Variants in SGCD observed in about 807,000 individuals in gnomAD.
The protein encoded by SGCD is delta-sarcoglycan.
A neutral mutation model predicts 36.6 loss-of-function variants in SGCD; 18 were observed. The observed-to-expected ratio is 0.49, with a 90% CI of 0.34 to 0.73. The LOEUF (loss-of-function observed/expected upper bound fraction) is 0.73, where lower values mean the gene tolerates loss of function less well. Among genes scored for constraint, SGCD ranks in the 30% least tolerant of loss-of-function variants. The pLI, the probability that SGCD is intolerant of heterozygous loss-of-function variation, is 0.01. For synonymous variants in SGCD, 133 were observed against 130.6 expected, an observed-to-expected ratio of 1.02 and a Z score of -0.12; for missense variants, 387 against 346.7, an observed-to-expected ratio of 1.12 and a Z score of -0.92.
intron 3 of SGCD, among the ~76,000 whole-genome samples, chr5:156,133,791 T>C (rs1269375062): frequency 6.6e-6 from 1 of 152,152 alleles, no homozygotes; most frequent in Non-Finnish European, 1.5e-5. Context: ...TTGAGCATTA[T>C]GTTTTGCAGT....
chr5:155,987,562 T>G (rs1328395645), intron 1 of SGCD, among the ~76,000 whole-genome samples: 2 of 152,216 alleles, frequency 1.3e-5, no homozygotes, highest in Non-Finnish European at 2.9e-5. Flanking sequence ...GAGGCTTCTC[T>G]TTGTTTTAGG....
chr5:155,886,147 G>A (rs1755992686), intron 1 of SGCD, among the ~76,000 whole-genome samples: 2 of 152,152 alleles, frequency 1.3e-5, no homozygotes, highest in South Asian at 2.1e-4. Context: ...TAGGTTACAA[G>A]TAATAGATAC....
intron 3 of SGCD, among the ~76,000 whole-genome samples, chr5:156,301,695 G>T (rs1027587420): frequency 6.6e-6 from 1 of 151,918 alleles, no homozygotes; most frequent in African/African-American, 2.4e-5. Flanking sequence ...AGATAGATCT[G>T]GTGTTGATAA....
At chr5:156,676,428 T>G (rs1753510683) in intron 7 of SGCD, among the ~76,000 whole-genome samples, 1 of 152,320 alleles carries the variant, frequency 6.6e-6, no homozygotes, top group East Asian at 1.9e-4. Flanking sequence ...CAGCAGTATT[T>G]TTCAAAGGGC....
chr5:156,680,954 A>G (rs1406151837), intron 7 of SGCD, among the ~76,000 whole-genome samples: 1 of 152,064 alleles, frequency 6.6e-6, no homozygotes, highest in Non-Finnish European at 1.5e-5. Context: ...CCAGCGAGTG[A>G]GTGCAGGAAC....
intron 2 of SGCD, among the ~76,000 whole-genome samples, chr5:156,338,974 T>C (rs766441829): frequency 2.2e-4 from 33 of 152,160 alleles, no homozygotes; most frequent in Admixed American, 5.2e-4. Flanking sequence ...TGCTATGCAA[T>C]CCCAGTTAGG....
chr5:155,777,611 C>G, the SGCD span, among the ~76,000 whole-genome samples: 34 of 152,198 alleles, frequency 2.2e-4, no homozygotes, highest in East Asian at 5.8e-3. Flanking sequence ...CCCACTGAGT[C>G]TGCTGAAGTG....
At chr5:156,039,549 C>T (rs1428268028) in intron 1 of SGCD, among the ~76,000 whole-genome samples, 1 of 152,112 alleles carries the variant, frequency 6.6e-6, no homozygotes, top group African/African-American at 2.4e-5. Context: ...GATATTTAAA[C>T]TATCTGTTGA....
At chr5:156,130,877 C>T (rs953558052) in intron 3 of SGCD, among the ~76,000 whole-genome samples, 4 of 152,108 alleles carry the variant, frequency 2.6e-5, no homozygotes, top group African/African-American at 9.7e-5. Flanking sequence ...CAGGAGCCCA[C>T]CACCATGCCT....
At chr5:155,806,274 C>T in the SGCD span, among the ~76,000 whole-genome samples, 17 of 152,272 alleles carry the variant, frequency 1.1e-4, no homozygotes, top group African/African-American at 4.1e-4. Flanking sequence ...CCTGCCTTAG[C>T]CTCCCAAGTA....
At chr5:156,710,478 ACG>A (rs1754939312) in intron 7 of SGCD, among the ~76,000 whole-genome samples, 2 of 152,184 alleles carry the variant, frequency 1.3e-5, no homozygotes, top group East Asian at 3.8e-4. Context: ...ATGACCCATA[ACG>A]CAGCCCCAGG....
chr5:156,027,238 T>G (rs1759242157), intron 1 of SGCD, among the ~76,000 whole-genome samples: 2 of 152,218 alleles, frequency 1.3e-5, no homozygotes, highest in South Asian at 4.1e-4. Context: ...AAACTCTTCT[T>G]CTGGTGTATT....
intron 3 of SGCD, among the ~76,000 whole-genome samples, chr5:156,303,470 C>T (rs1767112300): frequency 1.3e-5 from 2 of 151,928 alleles, no homozygotes; most frequent in South Asian, 4.2e-4. Flanking sequence ...TAATCTACCC[C>T]ACTGTGGCTA....
chr5:155,957,735 T>C (rs1561662983), intron 1 of SGCD, among the ~76,000 whole-genome samples: 1 of 152,132 alleles, frequency 6.6e-6, no homozygotes, highest in Non-Finnish European at 1.5e-5. Context: ...ACCAGCCTTA[T>C]TTTAAGGTCA....
chr5:156,495,772 G>A (rs1377870693), intron 3 of SGCD, among the ~76,000 whole-genome samples: 1 of 152,100 alleles, frequency 6.6e-6, no homozygotes, highest in Non-Finnish European at 1.5e-5. Flanking sequence ...ATCAACAATA[G>A]CTCAGGATTT....
At chr5:156,098,641 C>CAT (rs1761440991) in intron 1 of SGCD, among the ~76,000 whole-genome samples, 1 of 103,858 alleles carries the variant, frequency 9.6e-6, no homozygotes, top group African/African-American at 5.5e-5. Flanking sequence ...CATGTGTATA[C>CAT]ACACACACAC....
At chr5:156,404,898 G>T (rs938063408) in intron 3 of SGCD, among the ~76,000 whole-genome samples, 1 of 152,152 alleles carries the variant, frequency 6.6e-6, no homozygotes, top group Non-Finnish European at 1.5e-5. Flanking sequence ...CTTTCAGTGA[G>T]GGAGAAACTT....
intron 3 of SGCD, among the ~76,000 whole-genome samples, chr5:156,377,417 A>C (rs1194929757): frequency 6.6e-6 from 1 of 152,176 alleles, no homozygotes; most frequent in Non-Finnish European, 1.5e-5. Context: ...ACAACACACT[A>C]TGTTTTCTTA....
At chr5:156,039,846 C>T (rs1759592923) in intron 1 of SGCD, among the ~76,000 whole-genome samples, 1 of 152,050 alleles carries the variant, frequency 6.6e-6, no homozygotes, top group Non-Finnish European at 1.5e-5. Context: ...CTTGTCATGA[C>T]TCCTATATAA....
Sources: allele counts gnomAD v4.1 joint callset (sites outside exome capture counted in the v4.1 genomes callset), GRCh38; gene constraint gnomAD v4.1.1; transcripts MANE v1.5; gene names NCBI Gene and HGNC (gene_info 2026-07-23, HGNC 2026-07-21).